CCSER1: variants seen among roughly 807,000 people sequenced by gnomAD.
CCSER1 encodes serine-rich coiled-coil domain-containing protein 1.
In CCSER1, 41 loss-of-function variants were observed where a neutral mutation model predicts 82.0. The ratio of observed to expected loss-of-function variants is 0.50; its 90% CI spans 0.39 to 0.65. CCSER1 has a LOEUF of 0.65. Ranked by LOEUF, CCSER1 falls within the 30% of genes least tolerant of loss-of-function variation. The pLI is 0.00. For synonymous variants in CCSER1, 414 were observed against 383.9 expected (o/e 1.08, Z -0.92); for missense variants, 1,119 against 1,064.2 (o/e 1.05, Z -0.72).
intron 4 of CCSER1, among the ~76,000 whole-genome samples, chr4:90,457,966 G>A (rs183670907): frequency 6.6e-6 from 1 of 152,320 alleles, no homozygotes; most frequent in Non-Finnish European, 1.5e-5. Flanking sequence ...CGAGACAGCA[G>A]GGTTCTGGTG....
chr4:91,455,126 G>A (rs1017780951), intron 10 of CCSER1, among the ~76,000 whole-genome samples: 9 of 152,144 alleles, frequency 5.9e-5, no homozygotes, highest in African/African-American at 2.2e-4. Context: ...AAAATTTCAT[G>A]GAGGGAAAGA....
intron 1 of CCSER1, among the ~76,000 whole-genome samples, chr4:90,258,478 T>C (rs1340148636): frequency 6.6e-6 from 1 of 152,078 alleles, no homozygotes; most frequent in East Asian, 1.9e-4. Context: ...CGCCACTGCA[T>C]TCCAGCCTGG....
intron 5 of CCSER1, among the ~76,000 whole-genome samples, chr4:90,515,567 T>A (rs1442342361): frequency 3.3e-5 from 5 of 152,238 alleles, no homozygotes; most frequent in Admixed American, 3.3e-4. Flanking sequence ...TGTGTCTTCA[T>A]TGTCTTCTGT....
chr4:90,370,341 A>G (rs1237026435), intron 3 of CCSER1: 1 of 152,058 alleles, frequency 6.6e-6, no homozygotes, highest in Non-Finnish European at 1.5e-5. Flanking sequence ...TAGAACTTCT[A>G]AGTATGCTAT....
chr4:91,140,094 G>T (rs1038750364), intron 10 of CCSER1, among the ~76,000 whole-genome samples: 1 of 151,818 alleles, frequency 6.6e-6, no homozygotes, highest in African/African-American at 2.4e-5. Context: ...CCTAATGACT[G>T]GTTAGATAAT....
intron 6 of CCSER1, among the ~76,000 whole-genome samples, chr4:90,717,377 T>G (rs1741814264): frequency 6.6e-6 from 1 of 152,142 alleles, no homozygotes; most frequent in Admixed American, 6.6e-5. Context: ...GCTTGCATTT[T>G]CACTTGGAGG....
At chr4:91,588,484 T>A (rs984633690) in intron 10 of CCSER1, among the ~76,000 whole-genome samples, 1 of 151,752 alleles carries the variant, frequency 6.6e-6, no homozygotes, top group East Asian at 1.9e-4. Context: ...TGACCATAAC[T>A]TTTTGTACTA....
chr4:90,411,399 A>C (rs913094513), intron 4 of CCSER1, among the ~76,000 whole-genome samples: 2 of 152,246 alleles, frequency 1.3e-5, no homozygotes, highest in Non-Finnish European at 2.9e-5. Flanking sequence ...AACTGAATCC[A>C]GCAACACATC....
At chr4:91,421,451 CAGA>C (rs1300642027) in intron 10 of CCSER1, among the ~76,000 whole-genome samples, 1 of 152,132 alleles carries the variant, frequency 6.6e-6, no homozygotes, top group Non-Finnish European at 1.5e-5. Context: ...ATATCCCAGG[CAGA>C]AGAAGATGGA....
chr4:91,301,557 T>G (rs955890041), intron 10 of CCSER1, among the ~76,000 whole-genome samples: 3 of 150,506 alleles, frequency 2.0e-5, no homozygotes, highest in Non-Finnish European at 4.4e-5. Flanking sequence ...TATATATATA[T>G]GTACAAAATA....
At chr4:91,176,268 G>T (rs1733341699) in intron 10 of CCSER1, among the ~76,000 whole-genome samples, 1 of 152,180 alleles carries the variant, frequency 6.6e-6, no homozygotes, top group African/African-American at 2.4e-5. Flanking sequence ...GATGCCTCCA[G>T]CTTTGTTCTT....
At chr4:90,788,736 G>A (rs944276592) in intron 7 of CCSER1, among the ~76,000 whole-genome samples, 2 of 152,140 alleles carry the variant, frequency 1.3e-5, no homozygotes, top group African/African-American at 2.4e-5. Flanking sequence ...GGGGGCCGGG[G>A]AGAAACAATT....
chr4:90,253,645 G>A (rs1722771632), intron 1 of CCSER1, among the ~76,000 whole-genome samples: 2 of 152,120 alleles, frequency 1.3e-5, no homozygotes, highest in Middle Eastern at 3.4e-3. Flanking sequence ...TTGTTCACTT[G>A]TTTATCTGTT....
At chr4:90,710,970 G>C (rs1184402030) in intron 6 of CCSER1, among the ~76,000 whole-genome samples, 1 of 151,878 alleles carries the variant, frequency 6.6e-6, no homozygotes, top group Non-Finnish European at 1.5e-5. Context: ...GAGCATGAAA[G>C]GTTTATCTAT....
chr4:90,246,711 A>G (rs1721466855), intron 1 of CCSER1, among the ~76,000 whole-genome samples: 1 of 152,206 alleles, frequency 6.6e-6, no homozygotes, highest in Non-Finnish European at 1.5e-5. Flanking sequence ...ATAAAGTTTA[A>G]TATATAAATT....
At chr4:90,449,777 C>T (rs1761181876) in intron 4 of CCSER1, among the ~76,000 whole-genome samples, 1 of 152,202 alleles carries the variant, frequency 6.6e-6, no homozygotes, top group African/African-American at 2.4e-5. Flanking sequence ...AGGTCACTTC[C>T]AAGCCTCCAA....
intron 8 of CCSER1, among the ~76,000 whole-genome samples, chr4:90,888,699 T>C (rs889931896): frequency 1.3e-5 from 2 of 152,100 alleles, no homozygotes; most frequent in African/African-American, 4.8e-5. Context: ...CCTTTGAAAG[T>C]GGGCCTAGAG....
intron 5 of CCSER1, among the ~76,000 whole-genome samples, chr4:90,598,577 T>C (rs1180447166): frequency 1.3e-5 from 2 of 152,246 alleles, no homozygotes; most frequent in Non-Finnish European, 2.9e-5. Context: ...TAGAGCACTT[T>C]ATTATATATT....
chr4:90,932,131 C>CT (rs1239366570), intron 9 of CCSER1, among the ~76,000 whole-genome samples: 1 of 151,974 alleles, frequency 6.6e-6, no homozygotes, highest in Non-Finnish European at 1.5e-5. Flanking sequence ...AAATTTTACT[C>CT]TTTTTTCATG....
Sources: gnomAD v4.1 joint callset for allele counts (sites outside exome capture counted in the v4.1 genomes callset) on GRCh38, gnomAD v4.1.1 for gene constraint, MANE v1.5 for transcripts, NCBI Gene and HGNC (gene_info 2026-07-23, HGNC 2026-07-21) for gene names.